Variants in GPC6 observed in about 807,000 individuals in gnomAD.
GPC6 encodes the protein glypican-6.
In GPC6, 14 loss-of-function variants were observed where a neutral mutation model predicts 55.2. The ratio of observed to expected loss-of-function variants is 0.25; its 90% confidence interval spans 0.17 to 0.40. GPC6 has a LOEUF of 0.40. GPC6 is among the 10% of genes least tolerant of loss of function. GPC6 has a pLI of 1.00. For synonymous variants in GPC6, 278 were observed against 259.6 expected (o/e 1.07, Z -0.68); for missense variants, 641 against 708.5 (o/e 0.90, Z 1.08).
At chr13:94,227,013 A>G (rs1414524352) in intron 4 of GPC6, among the ~76,000 whole-genome samples, 1 of 152,152 alleles carries the variant, frequency 6.6e-6, no homozygotes, top group Non-Finnish European at 1.5e-5. Flanking sequence ...CTCAGAATCA[A>G]ACTTCTTCAG....
intron 2 of GPC6, among the ~76,000 whole-genome samples, chr13:93,573,570 A>C (rs1168349314): frequency 6.6e-6 from 1 of 152,170 alleles, no homozygotes; most frequent in Non-Finnish European, 1.5e-5. Flanking sequence ...AACAACAAAA[A>C]CAAAACTTGA....
chr13:93,990,129 T>G (rs1251544713), intron 3 of GPC6, among the ~76,000 whole-genome samples: 2 of 151,994 alleles, frequency 1.3e-5, no homozygotes, highest in Non-Finnish European at 1.5e-5. Context: ...TATGATAATA[T>G]TTTATCATCT....
At chr13:93,591,441 G>A (rs955729419) in intron 2 of GPC6, among the ~76,000 whole-genome samples, 1 of 150,482 alleles carries the variant, frequency 6.6e-6, no homozygotes, top group African/African-American at 2.4e-5. Flanking sequence ...TCCAGCCTGG[G>A]CGACAGAGCG....
rs1274889753 is a variant in GPC6 at position 93,282,196 on chromosome 13, T to C, written c.160+54580T>C. On this transcript the variant is annotated intron_variant, in intron 1 of 8. Coordinates refer to ENST00000377047, the MANE Select transcript of GPC6 (RefSeq NM_005708.5). ...GAAGTGAATATTTTTACATTGTTTT[T>C]CATAGGACAATCAGAATTTGAAAGC... Among the ~76,000 whole-genome samples the C allele has an allele frequency of 2.0e-5, 3 of 152,208 alleles. No individual in the cohort carries two copies. The East Asian group carries it at 5.8e-4, about 29-fold the overall frequency.
chr13:93,764,777 G>GA (rs1477345473), intron 2 of GPC6, among the ~76,000 whole-genome samples: 1 of 151,968 alleles, frequency 6.6e-6, no homozygotes, highest in Non-Finnish European at 1.5e-5. Context: ...AAGTCATTCA[G>GA]AAAAAACTAA....
intron 4 of GPC6, among the ~76,000 whole-genome samples, chr13:94,281,331 A>G (rs950401956): frequency 1.3e-5 from 2 of 151,996 alleles, no homozygotes; most frequent in Non-Finnish European, 1.5e-5. Flanking sequence ...TATTTGTCCT[A>G]ATGCTCTCCC....
intron 4 of GPC6, among the ~76,000 whole-genome samples, chr13:94,239,739 A>C (rs190689554): frequency 1.4e-3 from 210 of 152,290 alleles, no homozygotes; most frequent in Admixed American, 2.8e-3. Flanking sequence ...TTGCCTTGCT[A>C]GTTTAAGCCA....
intron 2 of GPC6, among the ~76,000 whole-genome samples, chr13:93,606,310 T>C (rs1246700783): frequency 6.6e-6 from 1 of 152,192 alleles, no homozygotes; most frequent in Non-Finnish European, 1.5e-5. Context: ...AGAAGACACA[T>C]AGACACTAAG....
At chr13:93,300,043 A>G (rs572189307) in intron 1 of GPC6, among the ~76,000 whole-genome samples, 1 of 152,186 alleles carries the variant, frequency 6.6e-6, no homozygotes, top group Non-Finnish European at 1.5e-5. Flanking sequence ...CTCCCAATGA[A>G]ATAAGGTAGT....
intron 6 of GPC6, among the ~76,000 whole-genome samples, chr13:94,333,522 T>C (rs531884570): frequency 2.2e-4 from 34 of 152,348 alleles, no homozygotes; most frequent in African/African-American, 7.9e-4. Flanking sequence ...CAATGCATTG[T>C]CCTTTAGTTG....
chr13:93,732,900 A>C (rs1883878845), intron 2 of GPC6, among the ~76,000 whole-genome samples: 1 of 152,172 alleles, frequency 6.6e-6, no homozygotes, highest in Non-Finnish European at 1.5e-5. Context: ...CAATATGAAA[A>C]TTATTAATGA....
chr13:93,346,919 T>C (rs1437246692), intron 1 of GPC6, among the ~76,000 whole-genome samples: 2 of 121,822 alleles, frequency 1.6e-5, no homozygotes, highest in Non-Finnish European at 4.3e-5. Context: ...AAGTTTGTTA[T>C]GTTATCATCT....
intron 1 of GPC6, among the ~76,000 whole-genome samples, chr13:93,494,965 T>G (rs908049178): frequency 2.8e-5 from 4 of 142,094 alleles, no homozygotes; most frequent in African/African-American, 1.1e-4. Context: ...CATTTTTTCC[T>G]TCATTTCAAC....
intron 2 of GPC6, among the ~76,000 whole-genome samples, chr13:93,726,658 G>C (rs1177811182): frequency 6.6e-6 from 1 of 151,878 alleles, no homozygotes; most frequent in Non-Finnish European, 1.5e-5. Flanking sequence ...CCACCTTTTT[G>C]AGGATGGGCA....
At chr13:93,724,090 AT>A (rs769821336) in intron 2 of GPC6, among the ~76,000 whole-genome samples, 158 of 148,710 alleles carry the variant, frequency 1.1e-3, no homozygotes, top group East Asian at 8.1e-3. Flanking sequence ...TTTAATGGCT[AT>A]TTTTTTTTTA....
chr13:94,252,786 C>G (rs1487520680), intron 4 of GPC6, among the ~76,000 whole-genome samples: 1 of 151,870 alleles, frequency 6.6e-6, no homozygotes, highest in East Asian at 1.9e-4. Context: ...AATGATAGGG[C>G]AAGTGTAAAT....
At chr13:93,374,086 C>T (rs115275491) in intron 1 of GPC6, among the ~76,000 whole-genome samples, 116 of 152,164 alleles carry the variant, frequency 7.6e-4, no homozygotes, top group African/African-American at 2.4e-3. Flanking sequence ...GAAAATGTTT[C>T]CTGTAGCTAT....
intron 1 of GPC6, among the ~76,000 whole-genome samples, chr13:93,258,543 T>A (rs2139037590): frequency 6.6e-6 from 1 of 152,260 alleles, no homozygotes; most frequent in Middle Eastern, 3.4e-3. Context: ...TGTAAATAAA[T>A]CCTTTCCTGT....
intron 4 of GPC6, among the ~76,000 whole-genome samples, chr13:94,059,242 G>A (rs185640638): frequency 6.7e-6 from 1 of 150,032 alleles, no homozygotes; most frequent in African/African-American, 2.5e-5. Flanking sequence ...GTAATCAGAC[G>A]CTGTTATTTA....
Sources: gnomAD v4.1 joint callset for allele counts (sites outside exome capture counted in the v4.1 genomes callset) on GRCh38, gnomAD v4.1.1 for gene constraint, MANE v1.5 for transcripts, NCBI Gene and HGNC (gene_info 2026-07-23, HGNC 2026-07-21) for gene names.